STRBP: variants seen among roughly 807,000 people sequenced by gnomAD.
STRBP encodes the protein spermatid perinuclear RNA-binding protein.
STRBP carries 13 observed loss-of-function variants against 80.1 expected under a neutral mutation model. The observed-to-expected ratio is 0.16, with a 90% CI of 0.11 to 0.26. STRBP has a LOEUF of 0.26. Ranked by LOEUF, STRBP falls within the 10% of genes least tolerant of loss-of-function variation. The pLI, the probability that STRBP is intolerant of heterozygous loss-of-function variation, is 1.00. For missense variants in STRBP, 485 were observed against 815.2 expected, an observed-to-expected ratio of 0.59 and a Z score of 4.93; for synonymous variants, 284 against 291.2, an observed-to-expected ratio of 0.98 and a Z score of 0.25.
chr9:123,216,089 C>G (rs1482446425), intron 2 of STRBP, among the ~76,000 whole-genome samples: 1 of 152,182 alleles, frequency 6.6e-6, no homozygotes, highest in Non-Finnish European at 1.5e-5. Context: ...ACCCTCCACC[C>G]TTATTCTGCA....
chr9:123,225,811 T>G (rs553204824), intron 2 of STRBP, among the ~76,000 whole-genome samples: 1 of 152,232 alleles, frequency 6.6e-6, no homozygotes, highest in Non-Finnish European at 1.5e-5. Flanking sequence ...CCAGACTCAA[T>G]TTCTGTTGCT....
At chr9:123,111,801 T>C (rs1381038044) in intron 3 of STRBP, 2 of 313,292 alleles carry the variant, frequency 6.4e-6, no homozygotes, top group East Asian at 2.6e-4. Context: ...CTTAGAGCTG[T>C]ACCATAAGAG....
chr9:123,112,870 A>C (rs1449225750), intron 3 of STRBP: 1 of 128,418 alleles, frequency 7.8e-6, no homozygotes, highest in African/African-American at 2.6e-5. Flanking sequence ...AGGGGCAGTC[A>C]GTCCGTCCCC....
At chr9:123,227,419 A>G (rs80165403) in intron 2 of STRBP, among the ~76,000 whole-genome samples, 2,168 of 152,282 alleles carry the variant, frequency 0.014, 54 homozygotes, top group African/African-American at 0.049. Flanking sequence ...AAGGATAACA[A>G]CAACAGATGT....
Position 123,208,448 on chromosome 9 carries a change from G to A in STRBP, c.-164-24150C>T, listed in dbSNP as rs1293924424. Among the ~76,000 whole-genome samples, 2 of 152,086 alleles carry A rather than the reference G, an allele frequency of 1.3e-5. 1 individual carries two copies. Among genetic ancestry groups the A allele is most frequent in the South Asian group, 4.2e-4 (2 of 4,804 alleles). On this transcript the variant is annotated intron_variant, in intron 2 of 18. Coordinates refer to ENST00000348403, the MANE Select transcript of STRBP (RefSeq NM_018387.5). The stretch of plus-strand genomic sequence containing the variant: ...CTAGCGCACAGTTTGTTGTTAAGAG[G>A]GTCCTAGAGTAGGACTTACTCTAGT...
chr9:123,211,104 A>T (rs1275350452), intron 2 of STRBP, among the ~76,000 whole-genome samples: 1 of 152,204 alleles, frequency 6.6e-6, no homozygotes, highest in Non-Finnish European at 1.5e-5. Flanking sequence ...TCATAGCAAG[A>T]CTGTTCACAA....
intron 13 of STRBP, among the ~76,000 whole-genome samples, chr9:123,143,461 C>T (rs921899075): frequency 1.2e-4 from 18 of 152,342 alleles, no homozygotes; most frequent in African/African-American, 3.8e-4. Flanking sequence ...AGGTACAAAA[C>T]CCTCACCAAG....
At chr9:123,134,233 C>T (rs1259344943) in intron 16 of STRBP, among the ~76,000 whole-genome samples, 2 of 152,154 alleles carry the variant, frequency 1.3e-5, no homozygotes, top group Non-Finnish European at 2.9e-5. Context: ...CCACTATAAC[C>T]AAGGTGCAAG....
intron 17 of STRBP, among the ~76,000 whole-genome samples, chr9:123,128,651 CTAAA>C (rs2035998520): frequency 6.6e-6 from 1 of 152,226 alleles, no homozygotes; most frequent in African/African-American, 2.4e-5. Context: ...TAGCCACTCT[CTAAA>C]TATAATTTGT....
chr9:123,123,918 T>C lies in STRBP; in HGVS notation c.*1679A>G. On this transcript the variant is annotated 3_prime_UTR_variant, in exon 19 of 19. Coordinates refer to ENST00000348403, the MANE Select transcript of STRBP (RefSeq NM_018387.5). ...CCCAGCTGAAATGGGCCCTCTTGTTTATGTCTAGCCACTAATGCACAGGAT... is the reference window on the plus strand; with the variant it reads ...CCCAGCTGAAATGGGCCCTCTTGTTCATGTCTAGCCACTAATGCACAGGAT... The C allele has an allele frequency of 4.1e-6, 4 of 985,456 alleles. No homozygotes were observed. The highest frequency in any genetic ancestry group is 4.8e-6 in the Non-Finnish European group (4 of 829,942). 61.0% of individuals were successfully genotyped at this position (985,456 alleles called of 1,614,324 possible).
intron 1 of STRBP, among the ~76,000 whole-genome samples, chr9:123,267,872 TG>T (rs2041307818): frequency 9.2e-6 from 1 of 109,062 alleles, no homozygotes; most frequent in South Asian, 3.4e-4. Flanking sequence ...CACAATATAG[TG>T]CCCCCCCCCA....
At chr9:123,119,639 G>A (rs1259595754), downstream of STRBP, among the ~76,000 whole-genome samples, 2 of 152,046 alleles carry the variant, frequency 1.3e-5, no homozygotes, top group African/African-American at 4.8e-5. Context: ...CCCTGAGCAG[G>A]CCATGCACCT....
At chr9:123,154,045 G>T (rs973333526) in intron 11 of STRBP, among the ~76,000 whole-genome samples, 1 of 152,184 alleles carries the variant, frequency 6.6e-6, no homozygotes, top group Admixed American at 6.5e-5. Flanking sequence ...TGTTTTTGAG[G>T]ATACAGGGCA....
At chr9:123,162,240 T>C (rs960872738) in intron 6 of STRBP, among the ~76,000 whole-genome samples, 1 of 152,110 alleles carries the variant, frequency 6.6e-6, no homozygotes, top group Admixed American at 6.5e-5. Context: ...CTTTTTTTTT[T>C]TTGAGACAGG....
At chr9:123,152,303 T>C (rs2037090856) in intron 11 of STRBP, among the ~76,000 whole-genome samples, 2 of 152,114 alleles carry the variant, frequency 1.3e-5, no homozygotes, top group African/African-American at 4.8e-5. Flanking sequence ...GAAGCCAGCA[T>C]AACATTGAAG....
intron 11 of STRBP, among the ~76,000 whole-genome samples, chr9:123,153,173 A>C (rs997451918): frequency 2.6e-5 from 4 of 151,024 alleles, no homozygotes; most frequent in African/African-American, 9.9e-5. Context: ...AGCAGCGAAG[A>C]AGCTAAATTC....
chr9:123,201,170 G>A (rs762982062), intron 2 of STRBP, among the ~76,000 whole-genome samples: 3 of 151,958 alleles, frequency 2.0e-5, no homozygotes, highest in Non-Finnish European at 2.9e-5. Context: ...TTTTTTCGAA[G>A]CGACAGCATA....
chr9:123,131,189 C>T (rs970938821), intron 17 of STRBP, among the ~76,000 whole-genome samples: 1 of 152,218 alleles, frequency 6.6e-6, no homozygotes, highest in Admixed American at 6.5e-5. Flanking sequence ...CTTGTCAATG[C>T]TCACACCTAT....
intron 13 of STRBP, 21 bp downstream of exon 13, chr9:123,146,834 A>C (rs762220230): frequency 6.4e-7 from 1 of 1,571,512 alleles, no homozygotes; most frequent in Non-Finnish European, 8.7e-7. Flanking sequence ...AAAGCATTGC[A>C]AAGTAAAACA....
Sources: allele counts gnomAD v4.1 joint callset (sites outside exome capture counted in the v4.1 genomes callset), GRCh38; gene constraint gnomAD v4.1.1; transcripts MANE v1.5; gene names NCBI Gene and HGNC (gene_info 2026-07-23, HGNC 2026-07-21).